ZNF496: variants seen among roughly 807,000 people sequenced by gnomAD.
The protein encoded by ZNF496 is NSD1 (nuclear receptor binding SET-domain containing 1)-interacting zinc finger protein 1.
Under a neutral mutation model 58.9 loss-of-function variants are expected in ZNF496, and 11 were observed. The ratio of observed to expected loss-of-function variants is 0.19; its 90% CI spans 0.12 to 0.31. ZNF496 has a LOEUF of 0.31. Ranked by LOEUF, ZNF496 falls within the 10% of genes least tolerant of loss-of-function variation. ZNF496 has a pLI of 1.00. For missense variants in ZNF496, 660 were observed against 783.0 expected (o/e 0.84, Z 1.88); for synonymous variants, 338 against 318.2 (o/e 1.06, Z -0.66).
intron 9 of ZNF496, among the ~76,000 whole-genome samples, chr1:247,304,279 G>A (rs1659336014): frequency 6.6e-6 from 1 of 152,142 alleles, no homozygotes; most frequent in Non-Finnish European, 1.5e-5. Flanking sequence ...GTTCCAAAGA[G>A]CAGGGCCAGT....
intron 9 of ZNF496, among the ~76,000 whole-genome samples, chr1:247,301,651 G>A (rs1307454792): frequency 6.6e-6 from 1 of 152,164 alleles, no homozygotes; most frequent in Admixed American, 6.5e-5. Context: ...ACTTAACAAG[G>A]CATGGGGGAA....
chr1:247,302,633 G>A (rs936273092), intron 9 of ZNF496, among the ~76,000 whole-genome samples: 3 of 152,036 alleles, frequency 2.0e-5, no homozygotes, highest in Non-Finnish European at 2.9e-5. Flanking sequence ...GAGCCACTGC[G>A]CCCGCCGAGA....
Position 247,329,889 on chromosome 1 carries a change from C to G in ZNF496, c.-38+77G>C, listed in dbSNP as rs1660262392. ...AATCTGGGAGAAAGTGGTGGCATTTCAACGTGACACTGCTGTTTTGAGCAT... is the reference window on the plus strand; with the variant it reads ...AATCTGGGAGAAAGTGGTGGCATTTGAACGTGACACTGCTGTTTTGAGCAT... On this transcript the variant is annotated intron_variant, in intron 3 of 9. Transcript: ENST00000682384. This position sits in a 1 kb window ranked among gnomAD's most constrained non-coding sequence, Gnocchi z 5.5. 1 of 315,310 alleles carries G rather than the reference C, an allele frequency of 3.2e-6. No homozygotes were observed. Among genetic ancestry groups the G allele is most frequent in the African/African-American group, 2.2e-5 (1 of 45,994 alleles). 19.5% of individuals were successfully genotyped at this position (315,310 alleles called of 1,614,324 possible).
Position 247,329,270 on chromosome 1 carries a change from C to T in ZNF496, c.309G>A (p.Arg103=), listed in dbSNP as rs2103034822. 2 of 1,613,666 alleles carry T rather than the reference C, an allele frequency of 1.2e-6. No homozygotes were observed. The highest frequency in any genetic ancestry group is 2.7e-5 in the African/African-American group (2 of 75,064). The change falls in exon 4 of 10, where the codon CGG becomes CGA. Residue 103 remains arginine, a synonymous_variant. Coordinates refer to ENST00000682384, the MANE Select transcript of ZNF496 (RefSeq NM_032752.3). The surrounding 1 kb of genome is among the most constrained non-coding windows in gnomAD (Gnocchi z 5.5). ...GCTCTCCGCTCTCAGGCTCCTGCGC[C>T]CGCACCCAGCTCTGGATCTCCCGGG... The part of the protein sequence containing the change: ...ILPREIQSWV[R]AQEPESGEQA...
Position 247,316,521 on chromosome 1 carries a change from C to T in ZNF496, c.652-6065G>A, listed in dbSNP as rs1031141583. ...AAGCGCGTCAGGACACTCAGCCCCT[C>T]GCCATGTGACGCCCTGCACCCACCT... On this transcript the variant is annotated intron_variant, in intron 6 of 9. Coordinates refer to ENST00000682384, the MANE Select transcript of ZNF496 (RefSeq NM_032752.3). 4.6e-5 allele frequency among the ~76,000 whole-genome samples: 7 copies of T among 152,128 alleles called. No homozygotes were observed. The South Asian group carries it at 6.2e-4, about 14-fold the overall frequency.
chr1:247,319,306 C>T (rs1300018947), intron 6 of ZNF496, among the ~76,000 whole-genome samples: 2 of 152,198 alleles, frequency 1.3e-5, no homozygotes, highest in Non-Finnish European at 2.9e-5. Flanking sequence ...TAAGCTTCTA[C>T]ACTTCACTCA....
Position 247,310,173 on chromosome 1 carries a change from A to C in ZNF496, c.784+151T>G, listed in dbSNP as rs919220674. 7 of 1,465,510 alleles carry C rather than the reference A, an allele frequency of 4.8e-6. No homozygotes were observed. In the Admixed American group the frequency reaches 1.9e-4, roughly 39 times the overall value. 90.8% of individuals were successfully genotyped at this position (1,465,510 alleles called of 1,614,324 possible). A position where few individuals can be genotyped will look rare whatever the true frequency, so the allele number is the denominator to read the frequency against. ...CTGCCTGTAGGGCCGCTGTGTGCAA[A>C]TGACCTCCTGTCCAGGTTGGGGGTG... On this transcript the variant is annotated intron_variant, in intron 7 of 9. Transcript: ENST00000682384.
chr1:247,322,610 T>C, intron 6 of ZNF496: 2 of 755,626 alleles, frequency 2.6e-6, no homozygotes, highest in Non-Finnish European at 3.9e-6. Context: ...CCCCCAGCCC[T>C]GACTCTGACT....
chr1:247,309,633 C>T lies in ZNF496; in HGVS notation c.892+66G>A. On this transcript the variant is annotated intron_variant, in intron 8 of 9. Transcript: ENST00000682384. The surrounding 1 kb of genome is among the most constrained non-coding windows in gnomAD (Gnocchi z 4.3). ...CCGCAGAGAGAAGCCAGAGAGTGGG[C>T]TCACCTCCGGCTGCCAGCAACCCTT... is the stretch of plus-strand genomic sequence containing the variant. The T allele has an allele frequency of 2.5e-6, 4 of 1,594,400 alleles. No homozygotes were observed. In the South Asian group the frequency reaches 4.5e-5, roughly 18 times the overall value.
In ZNF496 at chr1:247,300,654, G is replaced by A; in HGVS notation, c.1629C>T (p.His543=). The change falls in exon 10 of 10, where the codon CAC becomes CAT. Residue 543 remains histidine (H), a synonymous_variant. Transcript: ENST00000682384. This position sits in a 1 kb window ranked among gnomAD's most constrained non-coding sequence, Gnocchi z 5.7. ...RHDHLARHRS[H]FHLKDKARPF... ...GCCGGGCTTTGTCCTTCAGGTGAAAGTGGCTGCGGTGCCGAGCCAGGTGGT... is the reference window on the plus strand; with the variant it reads ...GCCGGGCTTTGTCCTTCAGGTGAAAATGGCTGCGGTGCCGAGCCAGGTGGT... 6.2e-7 allele frequency: 1 copy of A among 1,614,118 alleles called. No individual in the cohort carries two copies.
intron 2 of ZNF496, among the ~76,000 whole-genome samples, chr1:247,330,508 C>A (rs532400190): frequency 6.6e-6 from 1 of 152,308 alleles, no homozygotes; most frequent in East Asian, 1.9e-4. Flanking sequence ...GCTGCCACAC[C>A]CCCAAGGTGG....
At chr1:247,313,751 C>T (rs1384987008) in intron 6 of ZNF496, 1 of 152,222 alleles carries the variant, frequency 6.6e-6, no homozygotes, top group Non-Finnish European at 1.5e-5. Flanking sequence ...CCTTGACACA[C>T]ATCAAGAAGA....
chr1:247,325,492 A>G (rs989409335), intron 5 of ZNF496, among the ~76,000 whole-genome samples: 8 of 152,146 alleles, frequency 5.3e-5, no homozygotes, highest in African/African-American at 1.4e-4. Context: ...ACAAATCTAT[A>G]CCTCATATAT....
At chr1:247,307,093 T>C (rs1659438678) in intron 9 of ZNF496, 8 of 985,306 alleles carry the variant, frequency 8.1e-6, no homozygotes, top group Non-Finnish European at 9.6e-6. Context: ...ATATTCCACC[T>C]CAGTGGCGGA....
At position 247,308,901 on chromosome 1, in the gene ZNF496, G is replaced by T; in HGVS notation, c.893-313C>A. On this transcript the variant is annotated intron_variant, in intron 8 of 9. Coordinates refer to ENST00000682384, the MANE Select transcript of ZNF496 (RefSeq NM_032752.3). The surrounding 1 kb of genome is among the most constrained non-coding windows in gnomAD (Gnocchi z 4.5). ...TATTTATTCCCACTTTCTGTGGTGG[G>T]TTTTCTATAGTCATCACCACAGGCT... is the stretch of plus-strand genomic sequence containing the variant. 7 of 356,048 alleles carry T rather than the reference G, an allele frequency of 2.0e-5. No homozygotes were observed. Among genetic ancestry groups the T allele is most frequent in the South Asian group, 2.3e-5 (1 of 43,014 alleles). 22.1% of individuals were successfully genotyped at this position (356,048 alleles called of 1,614,324 possible).
chr1:247,310,415 A>G lies in ZNF496; in HGVS notation c.693T>C (p.Ser231=). The change falls in exon 7 of 10, where the codon TCT becomes TCC. Residue 231 remains serine, a synonymous_variant. Coordinates refer to ENST00000682384, the MANE Select transcript of ZNF496 (RefSeq NM_032752.3). ...SPFKDMILCF[S]EEDWSLLDPA... ...GATCTAGAAGGGACCAATCCTCTTC[A>G]GAGAAGCATAAAATCATGTCCTTGA... 2 of 1,614,240 alleles carry G rather than the reference A, an allele frequency of 1.2e-6. No individual in the cohort carries two copies. Among genetic ancestry groups the G allele is most frequent in the Non-Finnish European group, 1.7e-6 (2 of 1,180,044 alleles).
intron 9 of ZNF496, among the ~76,000 whole-genome samples, chr1:247,305,843 G>T (rs1427602412): frequency 6.6e-6 from 1 of 152,186 alleles, no homozygotes; most frequent in East Asian, 1.9e-4. Context: ...TATTTGGGAA[G>T]CCAAAGCAGA....
intron 9 of ZNF496, among the ~76,000 whole-genome samples, chr1:247,305,907 C>G (rs1361931532): frequency 6.6e-6 from 1 of 152,076 alleles, no homozygotes; most frequent in African/African-American, 2.4e-5. Flanking sequence ...TAAAGAGACC[C>G]CATCTTTAAA....
chr1:247,300,276 A>T lies in ZNF496; in HGVS notation c.*243T>A. On this transcript the variant is annotated 3_prime_UTR_variant, in exon 10 of 10. Coordinates refer to ENST00000682384, the MANE Select transcript of ZNF496 (RefSeq NM_032752.3). This position sits in a 1 kb window ranked among gnomAD's most constrained non-coding sequence, Gnocchi z 5.7. ...AACACCTGGCATGTCCAACCTGGTG[A>T]TGGCACATCCCCCCCGTTTTTTGGC... 1 of 425,660 alleles carries T rather than the reference A, an allele frequency of 2.3e-6. No homozygotes were observed. Among genetic ancestry groups the T allele is most frequent in the Non-Finnish European group, 4.2e-6 (1 of 240,372 alleles). The allele number at this position is 425,660 out of a possible 1,614,324, so 26.4% of individuals were successfully genotyped here.
Sources: gnomAD v4.1 joint callset for allele counts (sites outside exome capture counted in the v4.1 genomes callset) on GRCh38, gnomAD v4.1.1 for gene constraint, Gnocchi (gnomAD v3.1) non-coding constraint, MANE v1.5 for transcripts, NCBI Gene and HGNC (gene_info 2026-07-23, HGNC 2026-07-21) for gene names.